Variants in PREX2 observed in about 807,000 individuals in gnomAD.
The protein encoded by PREX2 is phosphatidylinositol-3,4,5-trisphosphate dependent Rac exchange factor 2, also known as phosphatidylinositol 3,4,5-trisphosphate-dependent Rac exchanger 2 protein.
In PREX2, 107 loss-of-function variants were observed where a neutral mutation model predicts 203.2. The observed-to-expected ratio is 0.53, with a 90% CI of 0.45 to 0.62. The LOEUF (loss-of-function observed/expected upper bound fraction) is 0.62, where lower values mean the gene tolerates loss of function less well. Ranked by LOEUF, PREX2 falls within the 20% of genes least tolerant of loss-of-function variation. The pLI, the probability that PREX2 is intolerant of heterozygous loss-of-function variation, is 0.00. For synonymous variants in PREX2, 672 were observed against 663.6 expected (o/e 1.01, Z -0.19); for missense variants, 1,777 against 1,955.9 (o/e 0.91, Z 1.72).
intron 1 of PREX2, among the ~76,000 whole-genome samples, chr8:67,985,072 G>A (rs1302402353): frequency 2.6e-5 from 4 of 152,040 alleles, no homozygotes; most frequent in African/African-American, 9.7e-5. Context: ...TGACATAGAA[G>A]CAGAGAAAAC....
At chr8:68,010,717 C>T (rs1347325706) in intron 1 of PREX2, among the ~76,000 whole-genome samples, 1 of 152,138 alleles carries the variant, frequency 6.6e-6, no homozygotes, top group Non-Finnish European at 1.5e-5. Context: ...TGAACTCCAC[C>T]CTGAGGAGAC....
chr8:68,218,008 T>C lies in PREX2; in HGVS notation c.4707+290T>C, dbSNP rs1431401672. 3.9e-5 allele frequency among the ~76,000 whole-genome samples: 6 copies of C among 152,350 alleles called. 1 individual carries two copies. The highest frequency in any genetic ancestry group is 2.0e-4 in the Admixed American group (3 of 15,304). ...AAGGCAGCAGTGAATTTGGCGTTTA[T>C]GTAAGGAACAAGTAAAAGGACATAT... On this transcript the variant is annotated intron_variant, in intron 38 of 39. Coordinates refer to ENST00000288368, the MANE Select transcript of PREX2 (RefSeq NM_024870.4).
At chr8:68,155,212 A>G (rs1811520957) in intron 34 of PREX2, among the ~76,000 whole-genome samples, 1 of 152,132 alleles carries the variant, frequency 6.6e-6, no homozygotes, top group African/African-American at 2.4e-5. Flanking sequence ...TCAGTATACC[A>G]AAGTGTCATA....
chr8:67,966,314 T>C (rs1805777551), intron 1 of PREX2, among the ~76,000 whole-genome samples: 1 of 152,174 alleles, frequency 6.6e-6, no homozygotes, highest in South Asian at 2.1e-4. Context: ...TGTTGTACTA[T>C]ATATCCTTCC....
At chr8:68,213,563 C>T (rs1034762814) in intron 37 of PREX2, among the ~76,000 whole-genome samples, 1 of 152,138 alleles carries the variant, frequency 6.6e-6, no homozygotes, top group Non-Finnish European at 1.5e-5. Context: ...CTTAGCATTG[C>T]CAAATCAAAG....
chr8:67,955,147 C>CAAAAAAAAAA (rs1183491822), intron 1 of PREX2, among the ~76,000 whole-genome samples: 2 of 51,926 alleles, frequency 3.9e-5, no homozygotes, highest in Non-Finnish European at 3.4e-5. Context: ...GACTCCATCT[C>CAAAAAAAAAA]AAAAAAAAAA....
intron 11 of PREX2, among the ~76,000 whole-genome samples, chr8:68,068,643 AG>A (rs1221213626): frequency 6.6e-6 from 1 of 152,074 alleles, no homozygotes; most frequent in East Asian, 1.9e-4. Flanking sequence ...CTGCTCTTTG[AG>A]GGGCACTTTT....
intron 32 of PREX2, among the ~76,000 whole-genome samples, chr8:68,135,383 G>A (rs1300280346): frequency 3.3e-5 from 5 of 151,998 alleles, no homozygotes; most frequent in African/African-American, 1.2e-4. Context: ...AAATTCAACA[G>A]TAAAATGACA....
rs561930958 is a variant in PREX2, at chr8:68,122,487, A to G, written c.3724+1438A>G. ...TTTGAAAAACTATTATGTTTTAGAA[A>G]TTTAAGTATATACTTTACTGAGTAA... On this transcript the variant is annotated intron_variant, in intron 30 of 39. Transcript: ENST00000288368. 3.3e-5 allele frequency among the ~76,000 whole-genome samples: 5 copies of G among 152,210 alleles called. No individual in the cohort carries two copies. The East Asian group carries it at 9.6e-4, about 29-fold the overall frequency.
chr8:68,077,544 G>A (rs1809387975), intron 15 of PREX2, 75 bp downstream of exon 15: 2 of 1,072,666 alleles, frequency 1.9e-6, no homozygotes, highest in Non-Finnish European at 2.9e-6. Context: ...AACACCCAGT[G>A]CTGCAGTGAG....
chr8:67,989,070 T>C (rs1366025772), intron 1 of PREX2, among the ~76,000 whole-genome samples: 1 of 152,106 alleles, frequency 6.6e-6, no homozygotes. Flanking sequence ...GTCTGTCTGC[T>C]CTGGAGCCAT....
At chr8:68,111,511 A>T (rs1044857523) in intron 25 of PREX2, among the ~76,000 whole-genome samples, 1 of 152,122 alleles carries the variant, frequency 6.6e-6, no homozygotes, top group African/African-American at 2.4e-5. Flanking sequence ...GTTTCAGACT[A>T]GTTATTTTTT....
chr8:68,193,966 C>A (rs753271299), intron 37 of PREX2, among the ~76,000 whole-genome samples: 19 of 152,130 alleles, frequency 1.2e-4, no homozygotes, highest in Non-Finnish European at 2.6e-4. Flanking sequence ...TTGTGGTTGG[C>A]AAAATATGCA....
intron 37 of PREX2, among the ~76,000 whole-genome samples, chr8:68,212,981 C>A (rs1300127571): frequency 6.6e-6 from 1 of 152,130 alleles, no homozygotes; most frequent in African/African-American, 2.4e-5. Flanking sequence ...TATTTCCCAT[C>A]CTGGGGGCCT....
intron 39 of PREX2, among the ~76,000 whole-genome samples, chr8:68,230,652 T>C (rs7824298): frequency 0.46 from 70,468 of 152,044 alleles, 19,018 homozygotes; most frequent in East Asian, 0.86. Context: ...TTGAATGCTG[T>C]ATAGTCTTGA....
intron 11 of PREX2, among the ~76,000 whole-genome samples, chr8:68,062,406 AACTT>A (rs1161812552): frequency 6.6e-6 from 1 of 152,090 alleles, no homozygotes; most frequent in East Asian, 1.9e-4. Flanking sequence ...ACATGCCCTA[AACTT>A]CTTACCATGA....
chr8:68,049,040 G>A (rs1486045477), intron 8 of PREX2, among the ~76,000 whole-genome samples: 1 of 151,156 alleles, frequency 6.6e-6, no homozygotes, highest in Non-Finnish European at 1.5e-5. Flanking sequence ...TTAATTTAAG[G>A]GAGTATATTT....
intron 18 of PREX2, among the ~76,000 whole-genome samples, chr8:68,086,829 C>A (rs979722809): frequency 6.6e-6 from 1 of 152,090 alleles, no homozygotes; most frequent in Non-Finnish European, 1.5e-5. Flanking sequence ...TCTTTTAAAC[C>A]TTCATTGCAT....
intron 1 of PREX2, among the ~76,000 whole-genome samples, chr8:68,005,237 A>G (rs1807059001): frequency 2.0e-5 from 3 of 152,114 alleles, no homozygotes; most frequent in African/African-American, 7.2e-5. Context: ...TTCACAGTCA[A>G]TCCATGAACA....
Sources: gnomAD v4.1 joint callset for allele counts (sites outside exome capture counted in the v4.1 genomes callset) on GRCh38, gnomAD v4.1.1 for gene constraint, MANE v1.5 for transcripts, NCBI Gene and HGNC (gene_info 2026-07-23, HGNC 2026-07-21) for gene names.